Variants in MYRIP observed in about 807,000 individuals in gnomAD.
MYRIP encodes the protein rab effector MyRIP.
Under a neutral mutation model 98.0 loss-of-function variants are expected in MYRIP, and 49 were observed. That is an observed-to-expected ratio of 0.50 (90% CI 0.40 to 0.63). The LOEUF is 0.63. Among genes scored for constraint, MYRIP ranks in the 30% least tolerant of loss-of-function variants. The probability of loss-of-function intolerance (pLI) is 0.00; values close to 1 mark genes in which losing one functional copy is unlikely to be tolerated. For missense variants in MYRIP, 1,004 were observed against 1,058.2 expected, an observed-to-expected ratio of 0.95 and a Z score of 0.71; for synonymous variants, 404 against 409.5, an observed-to-expected ratio of 0.99 and a Z score of 0.16.
chr3:39,848,932 G>A (rs1942048921), intron 1 of MYRIP, among the ~76,000 whole-genome samples: 1 of 152,146 alleles, frequency 6.6e-6, no homozygotes. Flanking sequence ...GGAAAAATAT[G>A]CCATAGCATG....
In MYRIP at chr3:40,208,328, G is replaced by C. The variant is rs550818201; in HGVS notation, c.1666-1526G>C. On this transcript the variant is annotated intron_variant, in intron 10 of 16. Coordinates refer to ENST00000302541, the MANE Select transcript of MYRIP (RefSeq NM_015460.4). ...AATAAAAGTTATAAAATATCAAACC[G>C]TACAAATACATAAAACAACTCCAAG... Among the ~76,000 whole-genome samples, 26 of 152,212 alleles carry C rather than the reference G, an allele frequency of 1.7e-4. No homozygotes were observed. In the Middle Eastern group the frequency reaches 0.017, roughly 100 times the overall value.
At chr3:39,981,487 T>C (rs1295334603) in intron 2 of MYRIP, among the ~76,000 whole-genome samples, 5 of 152,204 alleles carry the variant, frequency 3.3e-5, no homozygotes, top group Admixed American at 1.3e-4. Flanking sequence ...AGCATTTTGG[T>C]TTCCATTATA....
intron 3 of MYRIP, among the ~76,000 whole-genome samples, chr3:40,060,304 C>T (rs2887953): frequency 0.54 from 82,341 of 151,942 alleles, 22,467 homozygotes; most frequent in East Asian, 0.78. Context: ...TTTACTCTAT[C>T]ATTTTTAACC....
intron 3 of MYRIP, among the ~76,000 whole-genome samples, chr3:40,120,007 G>C (rs1479326568): frequency 6.6e-6 from 1 of 152,094 alleles, no homozygotes; most frequent in Non-Finnish European, 1.5e-5. Context: ...TGTAGCCTTT[G>C]TTTTCACAAA....
Position 40,029,473 on chromosome 3 carries a change from C to T in MYRIP, c.111-14577C>T, listed in dbSNP as rs1947210999. 3.9e-5 allele frequency among the ~76,000 whole-genome samples: 6 copies of T among 152,152 alleles called. No individual in the cohort carries two copies. In the South Asian group the frequency reaches 1.2e-3, roughly 32 times the overall value. On this transcript the variant is annotated intron_variant, in intron 2 of 16. Transcript: ENST00000302541. ...AGATATGTAAGCCAGCTAAAGGTGCCCAAGAGCTAAAGCTGCAAAGATTCT... is the reference window on the plus strand; with the variant it reads ...AGATATGTAAGCCAGCTAAAGGTGCTCAAGAGCTAAAGCTGCAAAGATTCT...
At chr3:39,833,794 G>C (rs1290743270) in intron 1 of MYRIP, among the ~76,000 whole-genome samples, 6 of 152,148 alleles carry the variant, frequency 3.9e-5, no homozygotes, top group Non-Finnish European at 8.8e-5. Flanking sequence ...GCTGAGGCGG[G>C]TGGATCACCT....
chr3:39,980,919 A>G (rs1180831520), intron 2 of MYRIP, among the ~76,000 whole-genome samples: 2 of 152,248 alleles, frequency 1.3e-5, no homozygotes, highest in East Asian at 3.9e-4. Flanking sequence ...TTTAATGGGT[A>G]TAGAGTTTAG....
chr3:39,896,365 A>T (rs764880777), intron 1 of MYRIP, among the ~76,000 whole-genome samples: 1 of 152,200 alleles, frequency 6.6e-6, no homozygotes, highest in Non-Finnish European at 1.5e-5. Flanking sequence ...AGAAGGGGCC[A>T]GTTCATGGTA....
At chr3:39,858,606 A>C (rs1942373271) in intron 1 of MYRIP, among the ~76,000 whole-genome samples, 1 of 138,012 alleles carries the variant, frequency 7.2e-6, no homozygotes, top group Admixed American at 7.2e-5. Flanking sequence ...CCAAGGGCAC[A>C]CAAAACATTC....
At chr3:40,027,399 A>G (rs1335575498) in intron 2 of MYRIP, among the ~76,000 whole-genome samples, 1 of 151,592 alleles carries the variant, frequency 6.6e-6, no homozygotes, top group Non-Finnish European at 1.5e-5. Flanking sequence ...ATCCTCCATA[A>G]CTTCCCCCTT....
At chr3:40,052,949 TAGAAA>T (rs1173762164) in intron 3 of MYRIP, among the ~76,000 whole-genome samples, 3 of 152,012 alleles carry the variant, frequency 2.0e-5, no homozygotes, top group Non-Finnish European at 4.4e-5. Context: ...CATAGAAAAA[TAGAAA>T]AGGAAATATA....
intron 1 of MYRIP, among the ~76,000 whole-genome samples, chr3:39,893,564 A>G (rs1419135712): frequency 6.6e-6 from 1 of 152,064 alleles, no homozygotes. Flanking sequence ...ATCCATGTTC[A>G]TTGTGAGAAA....
intron 3 of MYRIP, among the ~76,000 whole-genome samples, chr3:40,121,186 C>T (rs1478784006): frequency 3.3e-5 from 5 of 152,188 alleles, no homozygotes; most frequent in African/African-American, 1.2e-4. Context: ...GCTGTGCCCA[C>T]ACCACATGAA....
At chr3:40,022,785 T>C (rs539935907) in intron 2 of MYRIP, among the ~76,000 whole-genome samples, 46 of 152,162 alleles carry the variant, frequency 3.0e-4, no homozygotes, top group Non-Finnish European at 5.4e-4. Context: ...CTCTTAGGAT[T>C]CCAGAGGGAT....
chr3:39,995,896 G>T (rs1413520307), intron 2 of MYRIP, among the ~76,000 whole-genome samples: 2 of 152,030 alleles, frequency 1.3e-5, no homozygotes, highest in East Asian at 3.9e-4. Context: ...ATTCTTAAAA[G>T]AATTTTCAAC....
intron 2 of MYRIP, among the ~76,000 whole-genome samples, chr3:40,038,364 T>G (rs572003680): frequency 2.0e-5 from 3 of 152,126 alleles, no homozygotes; most frequent in Admixed American, 1.3e-4. Context: ...GAGAAAAGAA[T>G]AAACTCAAAC....
chr3:40,031,821 G>T (rs1947268001), intron 2 of MYRIP, among the ~76,000 whole-genome samples: 1 of 152,114 alleles, frequency 6.6e-6, no homozygotes, highest in South Asian at 2.1e-4. Context: ...ATTTCTGTGG[G>T]ATTGGTGGTG....
chr3:40,125,634 T>G (rs1246219737), intron 3 of MYRIP, among the ~76,000 whole-genome samples: 6 of 152,198 alleles, frequency 3.9e-5, no homozygotes. Context: ...TATGTGACCT[T>G]GGTCATCTTA....
At chr3:39,917,996 G>A (rs1179002906) in intron 2 of MYRIP, among the ~76,000 whole-genome samples, 2 of 150,642 alleles carry the variant, frequency 1.3e-5, no homozygotes, top group Non-Finnish European at 2.9e-5. Context: ...GCGCGATCTC[G>A]ACTCACTGCA....
Sources: allele counts gnomAD v4.1 joint callset (sites outside exome capture counted in the v4.1 genomes callset), GRCh38; gene constraint gnomAD v4.1.1; transcripts MANE v1.5; gene names NCBI Gene and HGNC (gene_info 2026-07-23, HGNC 2026-07-21).